The following PRRC2B variants were observed in gnomAD, a reference collection of about 807,000 sequenced individuals.
PRRC2B encodes the protein protein PRRC2B.
In PRRC2B, 68 loss-of-function variants were observed where a neutral mutation model predicts 242.3. That is an observed-to-expected ratio of 0.28 (90% CI 0.23 to 0.34). The LOEUF is 0.34. Among genes scored for constraint, PRRC2B ranks in the 10% least tolerant of loss-of-function variants. The pLI is 1.00. For missense variants in PRRC2B, 2,835 were observed against 2,954.8 expected (o/e 0.96, Z 0.94); for synonymous variants, 1,228 against 1,173.6 (o/e 1.05, Z -0.95).
intron 22 of PRRC2B, among the ~76,000 whole-genome samples, 183 bp from the exon 23 acceptor site, chr9:131,483,176 G>T (rs764734212): frequency 1.3e-5 from 2 of 152,174 alleles, no homozygotes; most frequent in Non-Finnish European, 2.9e-5. Flanking sequence ...AAAGAAGTGA[G>T]GCTGGCGTCC....
At chr9:131,438,941 A>G (rs774141765) in intron 4 of PRRC2B, 48 bp from the exon 5 acceptor site, 1 of 1,442,714 alleles carries the variant, frequency 6.9e-7, no homozygotes. Context: ...GTTATTGTAC[A>G]GTGGAATAAG....
chr9:131,473,788 G>C (rs1943610054), intron 15 of PRRC2B, 64 bp downstream of exon 15: 2 of 1,341,336 alleles, frequency 1.5e-6, no homozygotes, highest in Non-Finnish European at 2.1e-6. Context: ...TAATTGAGAG[G>C]GCCCTGGGAT....
intron 13 of PRRC2B, 79 bp downstream of exon 13, chr9:131,467,832 C>G (rs1943439794): frequency 7.0e-7 from 1 of 1,427,482 alleles, no homozygotes; most frequent in African/African-American, 1.4e-5. Context: ...CGTCCCCATG[C>G]CCCACCTCCA....
chr9:131,491,018 T>C (rs1944178402), intron 28 of PRRC2B: 1 of 240,234 alleles, frequency 4.2e-6, no homozygotes, highest in Non-Finnish European at 8.3e-6. Context: ...TGCAGGCCCA[T>C]GTTGGACAGG....
In PRRC2B at chr9:131,448,546, A is replaced by AAAAAAAAAAAAAAAC. The variant is rs1838889309; in HGVS notation, c.1120+756_1120+757insCAAAAAAAAAAAAAA. Among the ~76,000 whole-genome samples the AAAAAAAAAAAAAAAC allele has an allele frequency of 4.9e-5, 5 of 101,996 alleles. 1 individual carries two copies. The highest frequency in any genetic ancestry group is 3.4e-4 in the Admixed American group (3 of 8,778). The allele number at this position is 101,996 out of a possible 152,430, so 66.9% of individuals were successfully genotyped here. A position where few individuals can be genotyped will look rare whatever the true frequency, so the allele number is the denominator to read the frequency against. ...GCGACAGAGGGAGACACTGTCTCAA[A>AAAAAAAAAAAAAAAC]AAAAAAAAAAAAAAAAAAAAAAAAG... On this transcript the variant is annotated intron_variant, in intron 9 of 31. Transcript: ENST00000683519.
upstream of PRRC2B, among the ~76,000 whole-genome samples, chr9:131,389,920 T>G (rs1211842484): frequency 7.8e-6 from 1 of 127,540 alleles, no homozygotes; most frequent in Non-Finnish European, 1.7e-5. Context: ...TGGTTGTTTT[T>G]TTTTTTGTTT....
chr9:131,428,161 C>A (rs1312584668), intron 1 of PRRC2B, among the ~76,000 whole-genome samples: 1 of 151,878 alleles, frequency 6.6e-6, no homozygotes, highest in East Asian at 1.9e-4. Context: ...ACCTCGTGAT[C>A]CACCCACCTC....
chr9:131,492,771 C>T (rs1177735285), intron 30 of PRRC2B, among the ~76,000 whole-genome samples: 1 of 152,230 alleles, frequency 6.6e-6, no homozygotes, highest in African/African-American at 2.4e-5. Context: ...TCTGTCTCCA[C>T]CTCCAGCAAC....
intron 19 of PRRC2B, among the ~76,000 whole-genome samples, chr9:131,479,902 T>C (rs978907645): frequency 2.0e-5 from 3 of 152,190 alleles, no homozygotes; most frequent in Non-Finnish European, 4.4e-5. Flanking sequence ...TCTTAGAACA[T>C]TTGTTGCCCT....
intron 1 of PRRC2B, among the ~76,000 whole-genome samples, chr9:131,387,474 A>G (rs1836840769): frequency 6.7e-6 from 1 of 150,346 alleles, no homozygotes; most frequent in African/African-American, 2.4e-5. Flanking sequence ...ATATCTTTCA[A>G]TACAATCAAG....
At chr9:131,470,518 C>A (rs1490901756) in intron 13 of PRRC2B, among the ~76,000 whole-genome samples, 1 of 152,124 alleles carries the variant, frequency 6.6e-6, no homozygotes, top group Non-Finnish European at 1.5e-5. Flanking sequence ...AGGTGAAAAC[C>A]TAGCCTGTCT....
Position 131,479,490 on chromosome 9 carries a change from TAGATGGAATAC to T in PRRC2B, c.4900+105_4900+115del, listed in dbSNP as rs2131456398. ...GGATCCTGCTTTTGAGCTACGAATA[TAGATGGAATAC>T]AGATGGAGTACCTGTTTGCTGTGTT... is the stretch of plus-strand genomic sequence containing the variant. On this transcript the variant is annotated intron_variant, in intron 19 of 31. Coordinates refer to ENST00000683519, the MANE Select transcript of PRRC2B (RefSeq NM_013318.4). 3 of 1,183,048 alleles carry T rather than the reference TAGATGGAATAC, an allele frequency of 2.5e-6. No individual in the cohort carries two copies. The East Asian group carries it at 7.7e-5, about 30-fold the overall frequency. The allele number at this position is 1,183,048 out of a possible 1,614,324, so 73.3% of individuals were successfully genotyped here.
At chr9:131,402,651 G>A (rs1837256231) in intron 1 of PRRC2B, among the ~76,000 whole-genome samples, 2 of 152,128 alleles carry the variant, frequency 1.3e-5, no homozygotes, top group Admixed American at 1.3e-4. Flanking sequence ...AGGAGCCCAC[G>A]CAGAAACCAA....
intron 18 of PRRC2B, among the ~76,000 whole-genome samples, 176 bp from the exon 19 acceptor site, chr9:131,479,076 G>T (rs538189132): frequency 6.6e-6 from 1 of 152,130 alleles, no homozygotes; most frequent in Admixed American, 6.5e-5. Context: ...GTCTTTCTTG[G>T]GGGGTGCTTT....
rs1943599258 is a variant in PRRC2B, at chr9:131,473,491, G to GT, written c.2108-16dup. The GT allele has an allele frequency of 6.4e-7, 1 of 1,567,316 alleles. No homozygotes were observed. Among genetic ancestry groups the GT allele is most frequent in the Non-Finnish European group, 8.7e-7 (1 of 1,152,036 alleles). On this transcript the variant is annotated splice_polypyrimidine_tract_variant and intron_variant, in intron 14 of 31. Transcript: ENST00000683519. Reference sequence around the variant, plus strand: ...TTTCTAAATGAGATGATGTAGATCAGTCTTTGCCTTCTTCAGGACTGATGA... The same window carrying GT: ...TTTCTAAATGAGATGATGTAGATCAGTTCTTTGCCTTCTTCAGGACTGATGA...
chr9:131,482,403 C>T lies in PRRC2B; in HGVS notation c.5016C>T (p.Gly1672=), dbSNP rs1300207927. ...QGFKSSQGDS[G]VDLSAESRES... is the part of the protein sequence containing the mutation. ...TTAAGAGCAGCCAGGGAGATAGTGG[C>T]GTTGACTTGAGTGCCGAGTCTCGGG... The change falls in exon 21 of 32, where the codon GGC becomes GGT. Residue 1672 remains glycine, a synonymous_variant. Coordinates refer to ENST00000683519, the MANE Select transcript of PRRC2B (RefSeq NM_013318.4). The surrounding 1 kb of genome is among the most constrained non-coding windows in gnomAD (Gnocchi z 5.2). 7.5e-6 allele frequency: 12 copies of T among 1,596,180 alleles called. No individual in the cohort carries two copies. The highest frequency in any genetic ancestry group is 1.7e-5 in the Admixed American group (1 of 58,958).
At position 131,487,335 on chromosome 9, in the gene PRRC2B, C is replaced by CCA; in HGVS notation, c.5984+42_5984+43dup. ...AGCTTGCGGAGCTGGCAGCTCACAGCCAGGGCCTTGGCCCTGTGTGCAGCC... is the reference window on the plus strand; with the variant it reads ...AGCTTGCGGAGCTGGCAGCTCACAGCCACAGGGCCTTGGCCCTGTGTGCAGCC... On this transcript the variant is annotated intron_variant, in intron 27 of 31. Transcript: ENST00000683519. The surrounding 1 kb of genome is among the most constrained non-coding windows in gnomAD (Gnocchi z 5.3). The CCA allele has an allele frequency of 6.5e-7, 1 of 1,545,504 alleles. No homozygotes were observed. Among genetic ancestry groups the CCA allele is most frequent in the Non-Finnish European group, 8.8e-7 (1 of 1,142,166 alleles).
At chr9:131,437,710 AAT>A (rs746426876) in intron 4 of PRRC2B, among the ~76,000 whole-genome samples, 25 of 152,206 alleles carry the variant, frequency 1.6e-4, no homozygotes, top group Non-Finnish European at 3.4e-4. Flanking sequence ...GTGCTTTTAA[AAT>A]TAAAGACAAG....
Position 131,497,355 on chromosome 9 carries a change from T to C in PRRC2B, c.*1481T>C, listed in dbSNP as rs1944360884. 6.6e-6 allele frequency: 1 copy of C among 152,248 alleles called. No individual in the cohort carries two copies. The highest frequency in any genetic ancestry group is 6.5e-5 in the Admixed American group (1 of 15,282). The allele number at this position is 152,248 out of a possible 1,614,324, so 9.4% of individuals were successfully genotyped here. On this transcript the variant is annotated 3_prime_UTR_variant, in exon 32 of 32. Transcript: ENST00000683519. ...AAGAAACAAGGAAATCACTCCAGAT[T>C]CTGTCATTCCAAGGAAAGGGAAGGG... is the stretch of plus-strand genomic sequence containing the variant.
Sources: allele counts gnomAD v4.1 joint callset (sites outside exome capture counted in the v4.1 genomes callset), GRCh38; gene constraint gnomAD v4.1.1; non-coding constraint Gnocchi (gnomAD v3.1); transcripts MANE v1.5; gene names NCBI Gene and HGNC (gene_info 2026-07-23, HGNC 2026-07-21).